The following RBFOX1 variants were observed in gnomAD, a reference collection of about 807,000 sequenced individuals.
RBFOX1 encodes the protein RNA binding fox-1 homolog 1.
A neutral mutation model predicts 57.7 loss-of-function variants in RBFOX1; 8 were observed. That is an observed-to-expected ratio of 0.14 (90% CI 0.08 to 0.25). The LOEUF is 0.25. Ranked by LOEUF, RBFOX1 falls within the 10% of genes least tolerant of loss-of-function variation. The pLI is 1.00. For missense variants in RBFOX1, 611 were observed against 548.5 expected (o/e 1.11, Z -1.14); for synonymous variants, 326 against 222.4 (o/e 1.47, Z -4.15).
intron 3 of RBFOX1, among the ~76,000 whole-genome samples, chr16:7,040,767 C>A (rs1232367631): frequency 2.6e-5 from 4 of 152,182 alleles, no homozygotes; most frequent in Non-Finnish European, 5.9e-5. Context: ...TTGTCATAGA[C>A]ATCATTCCTG....
chr16:7,579,991 T>C, intron 6 of RBFOX1, 71 bp downstream of exon 6: 2 of 1,528,278 alleles, frequency 1.3e-6, no homozygotes, highest in Non-Finnish European at 1.8e-6. Context: ...TCATGTAAGT[T>C]TGGGGTATTT....
chr16:7,593,370 T>C (rs1010964205), intron 7 of RBFOX1, among the ~76,000 whole-genome samples: 1 of 152,124 alleles, frequency 6.6e-6, no homozygotes, highest in Non-Finnish European at 1.5e-5. Flanking sequence ...CTAAATTCTC[T>C]CTTTTTTCCC....
intron 1 of RBFOX1, among the ~76,000 whole-genome samples, chr16:5,306,653 G>T (rs1234200273): frequency 6.6e-6 from 1 of 152,156 alleles, no homozygotes; most frequent in Non-Finnish European, 1.5e-5. Flanking sequence ...ATGAAAGATC[G>T]AGTTAAATGC....
At position 5,484,453 on chromosome 16, in the gene RBFOX1, C is replaced by T. The variant is rs184726505; in HGVS notation, c.258+17199C>T. Among the ~76,000 whole-genome samples the T allele has an allele frequency of 2.0e-5, 3 of 152,340 alleles. No homozygotes were observed. In the East Asian group the frequency reaches 5.8e-4, roughly 29 times the overall value. Reference sequence around the variant, plus strand: ...CAAAATAACCTAATCTTGGAAGTGACACCCCATTCCCTCTGCTTTATTCAT... The same window carrying T: ...CAAAATAACCTAATCTTGGAAGTGATACCCCATTCCCTCTGCTTTATTCAT... On this transcript the variant is annotated intron_variant, in intron 2 of 2. Transcript: ENST00000585867.
chr16:6,124,572 G>A lies in RBFOX1; in HGVS notation c.-127+104580G>A, dbSNP rs111263114. 8.3e-3 allele frequency among the ~76,000 whole-genome samples: 1,254 copies of A among 151,972 alleles called. 18 individuals carry two copies. The highest frequency in any genetic ancestry group is 0.029 in the African/African-American group (1,203 of 41,452). ...GACTGGGGTGCAGTGGCATAATCTCGGCTCATTTAAACCTCCACCTCCCAG... is the reference window on the plus strand; with the variant it reads ...GACTGGGGTGCAGTGGCATAATCTCAGCTCATTTAAACCTCCACCTCCCAG... On this transcript the variant is annotated intron_variant, in intron 1 of 15. Transcript: ENST00000550418.
intron 4 of RBFOX1, among the ~76,000 whole-genome samples, chr16:7,256,586 G>A (rs929569945): frequency 6.6e-6 from 1 of 152,000 alleles, no homozygotes; most frequent in Non-Finnish European, 1.5e-5. Context: ...CTGTGTGTGC[G>A]TTGATGTATG....
rs555646388 is a variant in RBFOX1, at chr16:7,009,540, A to G, written c.-15-42517A>G. ...TTGCATTAATTGTGAAATGGAAGGG[A>G]TGATGCGATCAATGATAGGAATGAA... On this transcript the variant is annotated intron_variant, in intron 3 of 15. Transcript: ENST00000550418. Among the ~76,000 whole-genome samples the G allele has an allele frequency of 5.3e-5, 8 of 152,212 alleles. No homozygotes were observed. The East Asian group carries it at 1.4e-3, about 26-fold the overall frequency.
chr16:7,376,369 C>T (rs753612454), intron 4 of RBFOX1, among the ~76,000 whole-genome samples: 17 of 152,154 alleles, frequency 1.1e-4, no homozygotes, highest in African/African-American at 3.9e-4. Flanking sequence ...TATGACTCAA[C>T]GCAGCATCGC....
chr16:7,403,413 C>G (rs2098277231), intron 4 of RBFOX1, among the ~76,000 whole-genome samples: 1 of 152,220 alleles, frequency 6.6e-6, no homozygotes, highest in Non-Finnish European at 1.5e-5. Context: ...CTGGCAACCA[C>G]TCTTCTCCTG....
intron 4 of RBFOX1, among the ~76,000 whole-genome samples, chr16:7,084,120 T>G (rs1274039658): frequency 6.6e-6 from 1 of 152,158 alleles, no homozygotes; most frequent in Non-Finnish European, 1.5e-5. Flanking sequence ...GGGACAGACC[T>G]GGTATAATAC....
At chr16:5,317,458 A>T (rs572294669) in intron 1 of RBFOX1, among the ~76,000 whole-genome samples, 1 of 152,090 alleles carries the variant, frequency 6.6e-6, no homozygotes, top group Non-Finnish European at 1.5e-5. Flanking sequence ...AAATACAAAA[A>T]ATTAGTTGGG....
chr16:6,581,650 A>G (rs1215422906), intron 2 of RBFOX1, among the ~76,000 whole-genome samples: 2 of 152,268 alleles, frequency 1.3e-5, no homozygotes, highest in East Asian at 3.9e-4. Context: ...GAAACAGGTG[A>G]TCTATTGATC....
intron 1 of RBFOX1, among the ~76,000 whole-genome samples, chr16:6,085,497 C>T (rs149473198): frequency 3.9e-5 from 6 of 152,304 alleles, no homozygotes; most frequent in Admixed American, 1.3e-4. Flanking sequence ...TCTCGAACTC[C>T]CGACTTCAGG....
Position 5,951,005 on chromosome 16 carries a change from T to G in RBFOX1, c.351+83670T>G, listed in dbSNP as rs368366366. 1.1e-3 allele frequency among the ~76,000 whole-genome samples: 172 copies of G among 152,274 alleles called. 1 individual carries two copies. The highest frequency in any genetic ancestry group is 3.4e-3 in the African/African-American group (141 of 41,558). On this transcript the variant is annotated intron_variant, in intron 4 of 19. Transcript: ENST00000641259. ...TTCTCACCTCAAGTGTAACTCACTT[T>G]TCATCACTGTCTCTCCAGGTGTAGA...
chr16:6,540,742 T>G (rs935553103), intron 2 of RBFOX1, among the ~76,000 whole-genome samples: 4 of 152,196 alleles, frequency 2.6e-5, no homozygotes, highest in Non-Finnish European at 5.9e-5. Context: ...ATTTTAAATT[T>G]TATTAACTTA....
At chr16:6,176,303 G>A (rs2097007822) in intron 1 of RBFOX1, among the ~76,000 whole-genome samples, 1 of 139,748 alleles carries the variant, frequency 7.2e-6, no homozygotes, top group African/African-American at 2.8e-5. Flanking sequence ...CCACCGCCAT[G>A]CCTGACCAAA....
chr16:6,439,237 A>G (rs911533732), intron 2 of RBFOX1, among the ~76,000 whole-genome samples: 2 of 152,236 alleles, frequency 1.3e-5, no homozygotes, highest in African/African-American at 4.8e-5. Flanking sequence ...CAGATAGCAC[A>G]TCCTTCGGCC....
At chr16:6,993,380 G>C (rs148774159) in intron 3 of RBFOX1, among the ~76,000 whole-genome samples, 338 of 152,258 alleles carry the variant, frequency 2.2e-3, no homozygotes, top group Non-Finnish European at 3.8e-3. Flanking sequence ...GCTCCTTTCG[G>C]TAATAAATTC....
Position 6,850,912 on chromosome 16 carries a change from A to G in RBFOX1, c.-16+196262A>G, listed in dbSNP as rs146019815. Among the ~76,000 whole-genome samples the G allele has an allele frequency of 2.7e-3, 405 of 152,266 alleles. 4 individuals are homozygous for G. The highest frequency in any genetic ancestry group is 9.4e-3 in the African/African-American group (389 of 41,556). On this transcript the variant is annotated intron_variant, in intron 3 of 15. Coordinates refer to ENST00000550418, the MANE Select transcript of RBFOX1 (RefSeq NM_018723.4). ...AAAATGAAAACACATCCACAAAACAACCTGTATGCAAATGTTCACTGCAGC... is the reference window on the plus strand; with the variant it reads ...AAAATGAAAACACATCCACAAAACAGCCTGTATGCAAATGTTCACTGCAGC...
Sources: gnomAD v4.1 joint callset for allele counts (sites outside exome capture counted in the v4.1 genomes callset) on GRCh38, gnomAD v4.1.1 for gene constraint, MANE v1.5 for transcripts, NCBI Gene and HGNC (gene_info 2026-07-23, HGNC 2026-07-21) for gene names.